FBXO45: variants seen among roughly 807,000 people sequenced by gnomAD.
The protein encoded by FBXO45 is F-box/SPRY domain-containing protein 1.
Under a neutral mutation model 25.5 loss-of-function variants are expected in FBXO45, and 3 were observed. That is an observed-to-expected ratio of 0.12 (90% confidence interval 0.05 to 0.30). The LOEUF is 0.30. Among genes scored for constraint, FBXO45 ranks in the 10% least tolerant of loss-of-function variants. The pLI, the probability that FBXO45 is intolerant of heterozygous loss-of-function variation, is 1.00. For missense variants in FBXO45, 219 were observed against 365.0 expected (o/e 0.60, Z 3.26); for synonymous variants, 155 against 149.8 (o/e 1.03, Z -0.25).
At chr3:196,577,391 A>T in intron 1 of FBXO45, 62 bp from the exon 2 acceptor site, 1 of 1,256,882 alleles carries the variant, frequency 8.0e-7, no homozygotes, top group Non-Finnish European at 1.1e-6. Flanking sequence ...AAGTTTGGGT[A>T]ATTTTTAATA....
At chr3:196,578,047 T>TTTTTTTTTTTG (rs1491420505) in intron 2 of FBXO45, among the ~76,000 whole-genome samples, 4 of 27,240 alleles carry the variant, frequency 1.5e-4, no homozygotes, top group African/African-American at 2.0e-4. Context: ...AAAAATATTC[T>TTTTTTTTTTTG]TTTTTTTTTT....
chr3:196,583,329 A>C (rs1395717871), intron 2 of FBXO45, among the ~76,000 whole-genome samples: 1 of 152,060 alleles, frequency 6.6e-6, no homozygotes, highest in Admixed American at 6.5e-5. Flanking sequence ...AACACGGTGA[A>C]ACCCGTCTCT....
intron 1 of FBXO45, among the ~76,000 whole-genome samples, chr3:196,575,868 G>A (rs1363940503): frequency 1.3e-5 from 2 of 151,968 alleles, no homozygotes; most frequent in African/African-American, 4.8e-5. Flanking sequence ...ACTAGAGTTG[G>A]GGTTTCGCCA....
At chr3:196,576,119 C>G (rs1227979588) in intron 1 of FBXO45, among the ~76,000 whole-genome samples, 1 of 152,188 alleles carries the variant, frequency 6.6e-6, no homozygotes, top group East Asian at 1.9e-4. Flanking sequence ...GTTTTTAAAT[C>G]TGCGCTCTGC....
Position 196,588,874 on chromosome 3 carries a change from T to G in FBXO45, c.*4556T>G, listed in dbSNP as rs1736185463. 1 of 152,172 alleles carries G rather than the reference T, an allele frequency of 6.6e-6. No individual in the cohort carries two copies. Among genetic ancestry groups the G allele is most frequent in the Non-Finnish European group, 1.5e-5 (1 of 68,036 alleles). The allele number at this position is 152,172 out of a possible 1,614,324, so 9.4% of individuals were successfully genotyped here. A position where few individuals can be genotyped will look rare whatever the true frequency, so the allele number is the denominator to read the frequency against. ...CCCAGTGAAGCAGGAAGGAAAGGGTTGCAAACTTGAGGCTGGTAAGGAAGA... is the reference window on the plus strand; with the variant it reads ...CCCAGTGAAGCAGGAAGGAAAGGGTGGCAAACTTGAGGCTGGTAAGGAAGA... On this transcript the variant is annotated 3_prime_UTR_variant, in exon 3 of 3. Coordinates refer to ENST00000311630, the MANE Select transcript of FBXO45 (RefSeq NM_001105573.2). The surrounding 1 kb of genome is among the most constrained non-coding windows in gnomAD (Gnocchi z 4.2).
At chr3:196,579,707 C>T (rs1487454462) in intron 2 of FBXO45, among the ~76,000 whole-genome samples, 1 of 151,984 alleles carries the variant, frequency 6.6e-6, no homozygotes, top group Non-Finnish European at 1.5e-5. Flanking sequence ...TTTTTCTACC[C>T]TTCTATTATT....
Position 196,569,442 on chromosome 3 carries a change from C to A in FBXO45, c.318+140C>A. 1 of 744,156 alleles carries A rather than the reference C, an allele frequency of 1.3e-6. No homozygotes were observed. Among genetic ancestry groups the A allele is most frequent in the Non-Finnish European group, 2.1e-6 (1 of 482,810 alleles). 46.1% of individuals were successfully genotyped at this position (744,156 alleles called of 1,614,324 possible). ...ACGGCTCCAGTCAGTATCTTCCTCA[C>A]CTCCCCCCAAGATAAAGATTCTCTT... On this transcript the variant is annotated intron_variant, in intron 1 of 2. Coordinates refer to ENST00000311630, the MANE Select transcript of FBXO45 (RefSeq NM_001105573.2). The surrounding 1 kb of genome is among the most constrained non-coding windows in gnomAD (Gnocchi z 4.1).
At chr3:196,574,351 A>G (rs1437735094) in intron 1 of FBXO45, among the ~76,000 whole-genome samples, 1 of 152,202 alleles carries the variant, frequency 6.6e-6, no homozygotes, top group Non-Finnish European at 1.5e-5. Flanking sequence ...CTTAATATCA[A>G]AAATGCAGTG....
In FBXO45 at chr3:196,569,590, C is replaced by T. The variant is rs111698626; in HGVS notation, c.318+288C>T. 0.014 allele frequency among the ~76,000 whole-genome samples: 2,106 copies of T among 152,266 alleles called. 58 individuals are homozygous for T. The highest frequency in any genetic ancestry group is 0.048 in the African/African-American group (1,983 of 41,538). ...GTTTTCCCCGTTAAAGACAGACCAC[C>T]ACTCTTGTACCTTTTAATGCCCTCA... On this transcript the variant is annotated intron_variant, in intron 1 of 2. Transcript: ENST00000311630. This position sits in a 1 kb window ranked among gnomAD's most constrained non-coding sequence, Gnocchi z 4.1.
chr3:196,572,523 G>A (rs1177590415), intron 1 of FBXO45, among the ~76,000 whole-genome samples: 1 of 152,184 alleles, frequency 6.6e-6, no homozygotes, highest in Non-Finnish European at 1.5e-5. Context: ...AACCTTATGA[G>A]TGTGAGGGAT....
intron 2 of FBXO45, among the ~76,000 whole-genome samples, chr3:196,582,829 C>G (rs2108729265): frequency 6.6e-6 from 1 of 152,308 alleles, no homozygotes; most frequent in East Asian, 1.9e-4. Flanking sequence ...ACATGTGGAA[C>G]TGCTTTGTAA....
intron 1 of FBXO45, among the ~76,000 whole-genome samples, chr3:196,571,967 G>T (rs957830257): frequency 3.1e-4 from 47 of 152,330 alleles, no homozygotes; most frequent in African/African-American, 1.1e-3. Flanking sequence ...AACTGCTAAT[G>T]TGTGGTAGAA....
At position 196,587,665 on chromosome 3, in the gene FBXO45, G is replaced by C. The variant is rs537987359; in HGVS notation, c.*3347G>C. The C allele has an allele frequency of 4.6e-5, 7 of 152,324 alleles. 1 individual carries two copies. Among genetic ancestry groups the C allele is most frequent in the Admixed American group, 4.6e-4 (7 of 15,292 alleles). The allele number at this position is 152,324 out of a possible 1,614,324, so 9.4% of individuals were successfully genotyped here. ...GCCTCCCAAGTAGCTGGGATTACAG[G>C]TGTATGCCACTATACCCAGCTTTAA... On this transcript the variant is annotated 3_prime_UTR_variant, in exon 3 of 3. Transcript: ENST00000311630.
rs1408938571 is a variant in FBXO45, at chr3:196,568,752, G to C, written c.-233G>C. The C allele has an allele frequency of 6.1e-6, 1 of 164,532 alleles. No individual in the cohort carries two copies. The highest frequency in any genetic ancestry group is 1.3e-5 in the Non-Finnish European group (1 of 79,416). 10.2% of individuals were successfully genotyped at this position (164,532 alleles called of 1,614,324 possible). A position where few individuals can be genotyped will look rare whatever the true frequency, so the allele number is the denominator to read the frequency against. On this transcript the variant is annotated 5_prime_UTR_variant, in exon 1 of 3. Coordinates refer to ENST00000311630, the MANE Select transcript of FBXO45 (RefSeq NM_001105573.2). ...CGGGCGGTTTCGGCGCCCGCGCTGAGCCGCGGAGGAGGGGCGGAGGACGCC... is the reference window on the plus strand; with the variant it reads ...CGGGCGGTTTCGGCGCCCGCGCTGACCCGCGGAGGAGGGGCGGAGGACGCC...
intron 1 of FBXO45, among the ~76,000 whole-genome samples, chr3:196,575,951 G>GC (rs1179265820): frequency 3.9e-5 from 6 of 152,144 alleles, no homozygotes; most frequent in African/African-American, 1.4e-4. Flanking sequence ...TGCTGGGATT[G>GC]CAGGGGTGAG....
At chr3:196,573,270 A>G (rs1735858720) in intron 1 of FBXO45, among the ~76,000 whole-genome samples, 2 of 152,186 alleles carry the variant, frequency 1.3e-5, no homozygotes, top group South Asian at 4.1e-4. Context: ...TCTGCGCTAA[A>G]GATATAAAAT....
rs1736186350 is a variant in FBXO45, at chr3:196,588,923, G to C, written c.*4605G>C. On this transcript the variant is annotated 3_prime_UTR_variant, in exon 3 of 3. Transcript: ENST00000311630. The surrounding 1 kb of genome is among the most constrained non-coding windows in gnomAD (Gnocchi z 4.2). Reference sequence around the variant, plus strand: ...GAAATAATTACTGTGAATGCATTTAGCCACTCCCCTCTACTCAAAAATACT... The same window carrying C: ...GAAATAATTACTGTGAATGCATTTACCCACTCCCCTCTACTCAAAAATACT... The C allele has an allele frequency of 6.6e-6, 1 of 152,094 alleles. No individual in the cohort carries two copies. Among genetic ancestry groups the C allele is most frequent in the Admixed American group, 6.6e-5 (1 of 15,256 alleles). The allele number at this position is 152,094 out of a possible 1,614,324, so 9.4% of individuals were successfully genotyped here.
At chr3:196,580,121 T>C (rs951301309) in intron 2 of FBXO45, among the ~76,000 whole-genome samples, 15 of 151,622 alleles carry the variant, frequency 9.9e-5, no homozygotes, top group Non-Finnish European at 2.2e-4. Flanking sequence ...GCCTCCCGAG[T>C]AGCTGGGATT....
At chr3:196,570,200 A>G (rs1455038280) in intron 1 of FBXO45, among the ~76,000 whole-genome samples, 1 of 152,210 alleles carries the variant, frequency 6.6e-6, no homozygotes, top group Non-Finnish European at 1.5e-5. Context: ...AAGAGAAGAT[A>G]AAGTCTGATT....
Sources: gnomAD v4.1 joint callset for allele counts (sites outside exome capture counted in the v4.1 genomes callset) on GRCh38, gnomAD v4.1.1 for gene constraint, Gnocchi (gnomAD v3.1) non-coding constraint, MANE v1.5 for transcripts, NCBI Gene and HGNC (gene_info 2026-07-23, HGNC 2026-07-21) for gene names.